GSG1L: variants seen among roughly 807,000 people sequenced by gnomAD.
The protein encoded by GSG1L is germ cell-specific gene 1-like protein.
GSG1L carries 24 observed loss-of-function variants against 42.1 expected under a neutral mutation model. The ratio of observed to expected loss-of-function variants is 0.57; its 90% CI spans 0.41 to 0.80. The LOEUF is 0.80. Ranked by LOEUF, GSG1L falls within the 30% of genes least tolerant of loss-of-function variation. GSG1L has a pLI of 0.00. For missense variants in GSG1L, 445 were observed against 472.2 expected, an observed-to-expected ratio of 0.94 and a Z score of 0.53; for synonymous variants, 215 against 203.5, an observed-to-expected ratio of 1.06 and a Z score of -0.48.
chr16:27,962,080 C>T (rs1252136248), intron 2 of GSG1L, among the ~76,000 whole-genome samples: 1 of 152,218 alleles, frequency 6.6e-6, no homozygotes, highest in Non-Finnish European at 1.5e-5. Flanking sequence ...CTGTTTCACT[C>T]TTGGCAGCCT....
chr16:27,954,156 A>C (rs2084981013), intron 2 of GSG1L, among the ~76,000 whole-genome samples: 1 of 152,130 alleles, frequency 6.6e-6, no homozygotes, highest in African/African-American at 2.4e-5. Flanking sequence ...ACAAAGTCAA[A>C]CCTGGGATTG....
chr16:27,838,008 G>A (rs1412637357), intron 4 of GSG1L, among the ~76,000 whole-genome samples: 2 of 152,158 alleles, frequency 1.3e-5, no homozygotes, highest in East Asian at 1.9e-4. Context: ...GTCTTCTGAT[G>A]TCTGTTTTAT....
intron 2 of GSG1L, among the ~76,000 whole-genome samples, chr16:27,923,391 T>A (rs1287510488): frequency 6.6e-6 from 1 of 152,088 alleles, no homozygotes; most frequent in Non-Finnish European, 1.5e-5. Flanking sequence ...ACCCACATGC[T>A]AAGAGCAAAG....
intron 1 of GSG1L, among the ~76,000 whole-genome samples, chr16:27,985,646 C>G (rs2085373886): frequency 6.6e-6 from 1 of 151,900 alleles, no homozygotes; most frequent in Non-Finnish European, 1.5e-5. Context: ...GAGTTCAAGA[C>G]CAGCCTGACC....
Position 28,023,609 on chromosome 16 carries a change from T to C in GSG1L, c.349+39467A>G, listed in dbSNP as rs560663309. Among the ~76,000 whole-genome samples, 159 of 152,342 alleles carry C rather than the reference T, an allele frequency of 1.0e-3. 1 individual carries two copies. The highest frequency in any genetic ancestry group is 3.4e-3 in the African/African-American group (141 of 41,584). ...CCACATCCCTACATCCTTACCAACT[T>C]GTCTATTGTCAAAGTGTTCCTCTTT... On this transcript the variant is annotated intron_variant, in intron 1 of 6. Coordinates refer to ENST00000447459, the MANE Select transcript of GSG1L (RefSeq NM_001109763.2).
chr16:27,829,720 C>T lies in GSG1L; in HGVS notation c.663-764G>A, dbSNP rs149573214. 1.6e-4 allele frequency among the ~76,000 whole-genome samples: 25 copies of T among 152,198 alleles called. No homozygotes were observed. In the East Asian group the frequency reaches 4.2e-3, roughly 26 times the overall value. On this transcript the variant is annotated intron_variant, in intron 4 of 6. Transcript: ENST00000447459. ...TGCCACTGCTCCCAGCACCTCCTCA[C>T]GTTCATCGTAATGGACAACAGCACT...
At chr16:27,808,463 G>A (rs917770089) in intron 5 of GSG1L, among the ~76,000 whole-genome samples, 2 of 149,624 alleles carry the variant, frequency 1.3e-5, no homozygotes, top group African/African-American at 2.5e-5. Context: ...CTGTTGCCCA[G>A]GCTGGAGTGC....
chr16:27,831,086 G>T (rs868781000), intron 4 of GSG1L, among the ~76,000 whole-genome samples: 2 of 152,222 alleles, frequency 1.3e-5, no homozygotes, highest in South Asian at 4.1e-4. Flanking sequence ...CATGACCCAA[G>T]TCAGGTTCAT....
chr16:28,001,322 C>A (rs2085576078), intron 1 of GSG1L, among the ~76,000 whole-genome samples: 1 of 152,168 alleles, frequency 6.6e-6, no homozygotes, highest in East Asian at 1.9e-4. Context: ...CAGGGCTGCT[C>A]CCACCAGCCT....
intron 2 of GSG1L, among the ~76,000 whole-genome samples, chr16:27,948,555 G>A (rs1197015758): frequency 1.3e-5 from 2 of 148,860 alleles, no homozygotes; most frequent in African/African-American, 5.0e-5. Flanking sequence ...TGTATTTTTA[G>A]TAGAGACGTG....
At chr16:28,008,764 T>A (rs1209284514) in intron 1 of GSG1L, among the ~76,000 whole-genome samples, 1 of 152,216 alleles carries the variant, frequency 6.6e-6, no homozygotes, top group Non-Finnish European at 1.5e-5. Context: ...GAGGGGCTTT[T>A]AGAAAGAAGC....
intron 2 of GSG1L, among the ~76,000 whole-genome samples, chr16:27,888,508 T>C (rs989087916): frequency 3.1e-4 from 4 of 12,954 alleles, no homozygotes; most frequent in African/African-American, 2.3e-4. Flanking sequence ...TCTTTCTTTC[T>C]TTCTTTCTTT....
At chr16:27,850,522 T>G (rs12923634) in intron 3 of GSG1L, 2 of 455,772 alleles carry the variant, frequency 4.4e-6, no homozygotes, top group Admixed American at 4.7e-5. Context: ...GGTCCCAGGA[T>G]GAAGCCAACA....
intron 2 of GSG1L, among the ~76,000 whole-genome samples, chr16:27,911,293 C>CTT (rs2084388028): frequency 6.8e-6 from 1 of 146,870 alleles, no homozygotes; most frequent in African/African-American, 2.7e-5. Context: ...CTCTCTCTCT[C>CTT]TCCTCTCTCT....
chr16:28,000,321 T>A (rs2085567871), intron 1 of GSG1L, among the ~76,000 whole-genome samples: 3 of 152,138 alleles, frequency 2.0e-5, no homozygotes, highest in Admixed American at 6.5e-5. Flanking sequence ...ATGCTAAAGA[T>A]AATAAAAGTA....
At position 27,843,504 on chromosome 16, in the gene GSG1L, TAAAAAAAAAAAAA is replaced by T. The variant is rs55755431; in HGVS notation, c.662+1433_662+1445del. Among the ~76,000 whole-genome samples, 147 of 75,934 alleles carry T rather than the reference TAAAAAAAAAAAAA, an allele frequency of 1.9e-3. 1 individual carries two copies. The highest frequency in any genetic ancestry group is 6.9e-3 in the African/African-American group (143 of 20,600). 49.8% of individuals were successfully genotyped at this position (75,934 alleles called of 152,430 possible). A position where few individuals can be genotyped will look rare whatever the true frequency, so the allele number is the denominator to read the frequency against. On this transcript the variant is annotated intron_variant, in intron 4 of 6. Coordinates refer to ENST00000447459, the MANE Select transcript of GSG1L (RefSeq NM_001109763.2). ...CCTGGGTGACAGAGCAGAGACTCTG[TAAAAAAAAAAAAA>T]AAAAAAAAAAAAGGAAGGCTGGTCT...
intron 3 of GSG1L, among the ~76,000 whole-genome samples, chr16:27,880,756 C>T (rs371255659): frequency 1.3e-5 from 2 of 151,998 alleles, no homozygotes; most frequent in East Asian, 1.9e-4. Flanking sequence ...CTGTGGCCAA[C>T]GACAAACTTT....
At chr16:27,875,803 G>T (rs1019591456) in intron 3 of GSG1L, among the ~76,000 whole-genome samples, 1 of 152,168 alleles carries the variant, frequency 6.6e-6, no homozygotes, top group Non-Finnish European at 1.5e-5. Context: ...GACACTATTG[G>T]AAAGGAGCTC....
intron 3 of GSG1L, among the ~76,000 whole-genome samples, chr16:27,877,661 G>A (rs144520687): frequency 5.3e-5 from 8 of 151,980 alleles, no homozygotes; most frequent in Non-Finnish European, 8.8e-5. Flanking sequence ...AACACTGAGT[G>A]GGGAGACAGC....
Sources: gnomAD v4.1 joint callset for allele counts (sites outside exome capture counted in the v4.1 genomes callset) on GRCh38, gnomAD v4.1.1 for gene constraint, MANE v1.5 for transcripts, NCBI Gene and HGNC (gene_info 2026-07-23, HGNC 2026-07-21) for gene names.